Variants in CDC42BPB observed in about 807,000 individuals in gnomAD.
CDC42BPB encodes CDC42 binding protein kinase beta, also known as serine/threonine-protein kinase MRCK beta.
In CDC42BPB, 37 loss-of-function variants were observed where a neutral mutation model predicts 214.9. That is an observed-to-expected ratio of 0.17 (90% CI 0.13 to 0.23). The LOEUF is 0.23. CDC42BPB is among the 10% of genes least tolerant of loss of function. The pLI is 1.00. For missense variants in CDC42BPB, 1,694 were observed against 2,227.0 expected, an observed-to-expected ratio of 0.76 and a Z score of 4.82; for synonymous variants, 931 against 884.0, an observed-to-expected ratio of 1.05 and a Z score of -0.94.
intron 1 of CDC42BPB, 68 bp downstream of exon 1, chr14:103,056,931 T>TGGGGATGCGCGGGCTGGGGCGCGG: frequency 9.9e-7 from 1 of 1,014,802 alleles, no homozygotes; most frequent in Non-Finnish European, 1.2e-6. Context: ...TGGGCGGGCG[T>TGGGGATGCGCGGGCTGGGGCGCGG]GGGGATGCGC....
intron 1 of CDC42BPB, among the ~76,000 whole-genome samples, chr14:103,049,270 A>G (rs539405948): frequency 1.3e-5 from 2 of 152,338 alleles, no homozygotes; most frequent in Admixed American, 6.5e-5. Flanking sequence ...CTTCTATAGT[A>G]ACATCCCACC....
chr14:102,953,157 C>G (rs540665470), intron 23 of CDC42BPB, among the ~76,000 whole-genome samples: 1 of 152,244 alleles, frequency 6.6e-6, no homozygotes, highest in Admixed American at 6.5e-5. Context: ...GCAGGCCATG[C>G]GGGACCGCCT....
rs897404537 is a variant in CDC42BPB, at chr14:103,013,810, G to A, written c.176-1622C>T. On this transcript the variant is annotated intron_variant, in intron 1 of 36. Transcript: ENST00000361246. ...CTCTGGACTTCTGGCCTCCAGAGCT[G>A]TGAGATAAATATCTGTTGTTTAAGC... Among the ~76,000 whole-genome samples, 8 of 152,304 alleles carry A rather than the reference G, an allele frequency of 5.3e-5. No individual in the cohort carries two copies. In the South Asian group the frequency reaches 1.5e-3, roughly 28 times the overall value.
intron 27 of CDC42BPB, 104 bp downstream of exon 27, chr14:102,947,617 G>A (rs1892242658): frequency 1.0e-6 from 1 of 996,926 alleles, no homozygotes; most frequent in South Asian, 1.4e-5. Context: ...AGACCCTAGG[G>A]CCACACTGGA....
chr14:102,981,059 C>G lies in CDC42BPB; in HGVS notation c.892-38G>C, dbSNP rs536068026. On this transcript the variant is annotated intron_variant, in intron 7 of 36. Transcript: ENST00000361246. Reference sequence around the variant, plus strand: ...GCAAAAACACCGGTGGACAGGTGGACGCATTCAGAGAGTTTAAGGTGTACA... The same window carrying G: ...GCAAAAACACCGGTGGACAGGTGGAGGCATTCAGAGAGTTTAAGGTGTACA... The G allele has an allele frequency of 3.2e-5, 51 of 1,613,090 alleles. No homozygotes were observed. In the Middle Eastern group the frequency reaches 8.2e-4, roughly 26 times the overall value.
At chr14:102,965,388 T>TAAAAA (rs765936398) in intron 18 of CDC42BPB, among the ~76,000 whole-genome samples, 1 of 115,276 alleles carries the variant, frequency 8.7e-6, no homozygotes, top group East Asian at 2.5e-4. Context: ...TACCTGTGAT[T>TAAAAA]AAAAAAAAAA....
intron 36 of CDC42BPB, among the ~76,000 whole-genome samples, chr14:102,934,416 C>T (rs1326944956): frequency 6.6e-6 from 1 of 152,212 alleles, no homozygotes; most frequent in Admixed American, 6.5e-5. Context: ...CACCTGTAGT[C>T]CCAACTGCTG....
Position 102,940,461 on chromosome 14 carries a change from G to C in CDC42BPB, c.4409-137C>G, listed in dbSNP as rs193250003. ...CCCTCAGCTGGTTCACGTCACCAAA[G>C]ACTTCATGTTCCCACTCTGGAATTC... On this transcript the variant is annotated intron_variant, in intron 30 of 36. Coordinates refer to ENST00000361246, the MANE Select transcript of CDC42BPB (RefSeq NM_006035.4). 4.7e-6 allele frequency: 7 copies of C among 1,475,682 alleles called. No homozygotes were observed. The Admixed American group carries it at 1.4e-4, about 30-fold the overall frequency. The allele number at this position is 1,475,682 out of a possible 1,614,324, so 91.4% of individuals were successfully genotyped here.
intron 5 of CDC42BPB, among the ~76,000 whole-genome samples, chr14:102,987,236 G>A (rs1894284753): frequency 6.6e-6 from 1 of 152,244 alleles, no homozygotes; most frequent in Non-Finnish European, 1.5e-5. Context: ...AGCAGCACGT[G>A]CTGGAGCAGG....
chr14:103,044,351 C>T (rs1391190783), intron 1 of CDC42BPB, among the ~76,000 whole-genome samples: 3 of 150,614 alleles, frequency 2.0e-5, no homozygotes, highest in African/African-American at 7.3e-5. Context: ...AGGTGCACAC[C>T]AACACAGCCG....
intron 1 of CDC42BPB, among the ~76,000 whole-genome samples, chr14:103,019,071 G>A (rs977325580): frequency 1.3e-5 from 2 of 152,144 alleles, no homozygotes; most frequent in African/African-American, 4.8e-5. Context: ...GGCCTCCCCA[G>A]TAGCTGGGAC....
intron 1 of CDC42BPB, among the ~76,000 whole-genome samples, chr14:103,027,130 T>C (rs1377316027): frequency 1.3e-5 from 2 of 152,202 alleles, no homozygotes; most frequent in Non-Finnish European, 2.9e-5. Context: ...ATCAAAACTG[T>C]AACCAGACCT....
chr14:103,010,547 C>G (rs1393975978), intron 2 of CDC42BPB, among the ~76,000 whole-genome samples: 1 of 152,202 alleles, frequency 6.6e-6, no homozygotes, highest in African/African-American at 2.4e-5. Context: ...ACGCCCTGCA[C>G]AGCAAAGGCC....
intron 8 of CDC42BPB, among the ~76,000 whole-genome samples, chr14:102,979,896 C>T (rs1000529732): frequency 7.2e-5 from 11 of 152,166 alleles, no homozygotes; most frequent in African/African-American, 2.7e-4. Context: ...ACAGCTGGAA[C>T]CCAACTCGGA....
intron 1 of CDC42BPB, among the ~76,000 whole-genome samples, chr14:103,032,229 G>T (rs1887420993): frequency 6.6e-6 from 1 of 152,104 alleles, no homozygotes; most frequent in African/African-American, 2.4e-5. Flanking sequence ...CAAGGAGAAG[G>T]GAGGTAATAA....
Position 102,967,078 on chromosome 14 carries a change from G to A in CDC42BPB, c.2439C>T (p.His813=). ...DLAAKKESVA[H]WEAQIAEIIQ... ...TGATTTCCGCAATCTGAGCTTCCCA[G>A]TGGGCCACTGACTCCTTCTTGGCTG... The change falls in exon 17 of 37, where the codon CAC becomes CAT. Residue 813 remains histidine (H), a synonymous_variant. Transcript: ENST00000361246. The A allele has an allele frequency of 6.2e-7, 1 of 1,614,216 alleles. No individual in the cohort carries two copies. Among genetic ancestry groups the A allele is most frequent in the Non-Finnish European group, 8.5e-7 (1 of 1,180,042 alleles).
At chr14:103,035,414 G>T (rs569464200) in intron 1 of CDC42BPB, among the ~76,000 whole-genome samples, 1 of 152,250 alleles carries the variant, frequency 6.6e-6, no homozygotes, top group East Asian at 1.9e-4. Context: ...TTTTTCAGGG[G>T]TCAGGTGTGG....
intron 8 of CDC42BPB, among the ~76,000 whole-genome samples, chr14:102,979,083 C>A (rs142626104): frequency 1.1e-4 from 17 of 152,284 alleles, no homozygotes; most frequent in Non-Finnish European, 2.1e-4. Flanking sequence ...GAGTCAGAGT[C>A]TAGGACAACA....
chr14:102,954,098 A>G (rs1892610344), intron 23 of CDC42BPB, 100 bp downstream of exon 23: 1 of 847,728 alleles, frequency 1.2e-6, no homozygotes, highest in Non-Finnish European at 1.9e-6. Context: ...AAAATGACTA[A>G]GTATGTTTTA....
Sources: allele counts gnomAD v4.1 joint callset (sites outside exome capture counted in the v4.1 genomes callset), GRCh38; gene constraint gnomAD v4.1.1; transcripts MANE v1.5; gene names NCBI Gene and HGNC (gene_info 2026-07-23, HGNC 2026-07-21).